The following CADM2 variants were observed in gnomAD, a reference collection of about 807,000 sequenced individuals.
CADM2 encodes the protein immunoglobulin superfamily member 4D.
A neutral mutation model predicts 49.8 loss-of-function variants in CADM2; 12 were observed. That is an observed-to-expected ratio of 0.24 (90% CI 0.15 to 0.39). The LOEUF (loss-of-function observed/expected upper bound fraction) is 0.39. Among genes scored for constraint, CADM2 ranks in the 10% least tolerant of loss-of-function variants. CADM2 has a pLI of 1.00. For missense variants in CADM2, 378 were observed against 492.3 expected (o/e 0.77, Z 2.20); for synonymous variants, 214 against 175.4 (o/e 1.22, Z -1.74).
At position 86,051,029 on chromosome 3, in the gene CADM2, A is replaced by T. The variant is rs182779001; in HGVS notation, c.971-14576A>T. Among the ~76,000 whole-genome samples the T allele has an allele frequency of 2.6e-5, 4 of 152,312 alleles. No individual in the cohort carries two copies. The East Asian group carries it at 7.7e-4, about 29-fold the overall frequency. ...GACTTTTCTTTTCTACCACATGGCCAGGTTGAAAATTTTCCAAGCTTATAT... is the reference window on the plus strand; with the variant it reads ...GACTTTTCTTTTCTACCACATGGCCTGGTTGAAAATTTTCCAAGCTTATAT... On this transcript the variant is annotated intron_variant, in intron 8 of 9. Coordinates refer to ENST00000383699, the MANE Select transcript of CADM2 (RefSeq NM_001167675.2).
intron 1 of CADM2, among the ~76,000 whole-genome samples, chr3:85,246,877 T>C (rs577168198): frequency 6.6e-6 from 1 of 152,246 alleles, no homozygotes; most frequent in East Asian, 1.9e-4. Context: ...TGTTGGTGTT[T>C]GTGTGAGAGA....
chr3:85,653,667 A>G (rs1436391077), intron 1 of CADM2, among the ~76,000 whole-genome samples: 1 of 152,112 alleles, frequency 6.6e-6, no homozygotes, highest in East Asian at 1.9e-4. Context: ...GGAATGGGTC[A>G]TTACTGGAGA....
intron 1 of CADM2, among the ~76,000 whole-genome samples, chr3:85,522,201 G>A (rs2061039790): frequency 6.6e-6 from 1 of 151,814 alleles, no homozygotes; most frequent in African/African-American, 2.4e-5. Context: ...CCCCTTCCCT[G>A]TTCGCCTTCC....
At position 86,073,665 on chromosome 3, in the gene CADM2, T is replaced by C. The variant is rs1703400995; in HGVS notation, c.*6882T>C. Reference sequence around the variant, plus strand: ...TAGTTATCTGTTGGACATTACTGAATTGTCTATTCATTTAGTACATTTTCT... The same window carrying C: ...TAGTTATCTGTTGGACATTACTGAACTGTCTATTCATTTAGTACATTTTCT... On this transcript the variant is annotated 3_prime_UTR_variant, in exon 10 of 10. Coordinates refer to ENST00000383699, the MANE Select transcript of CADM2 (RefSeq NM_001167675.2). 6.6e-6 allele frequency: 1 copy of C among 152,058 alleles called. No individual in the cohort carries two copies. The highest frequency in any genetic ancestry group is 6.6e-5 in the Admixed American group (1 of 15,264). 9.4% of individuals were successfully genotyped at this position (152,058 alleles called of 1,614,324 possible).
At chr3:85,469,653 C>T (rs1390555778) in intron 1 of CADM2, among the ~76,000 whole-genome samples, 1 of 152,116 alleles carries the variant, frequency 6.6e-6, no homozygotes, top group Admixed American at 6.5e-5. Flanking sequence ...TGATTCAGGG[C>T]AGAGCTGAAG....
At chr3:85,424,996 T>G (rs571572906) in intron 1 of CADM2, among the ~76,000 whole-genome samples, 27 of 152,254 alleles carry the variant, frequency 1.8e-4, no homozygotes, top group African/African-American at 6.3e-4. Context: ...AGGATAGCAT[T>G]GCCAAAAGTG....
chr3:85,752,652 C>G (rs564525867), intron 2 of CADM2, among the ~76,000 whole-genome samples: 1 of 152,216 alleles, frequency 6.6e-6, no homozygotes, highest in African/African-American at 2.4e-5. Context: ...CTGATGCCTC[C>G]TGTCTCATTG....
chr3:85,416,336 A>G (rs1301087647), intron 1 of CADM2, among the ~76,000 whole-genome samples: 1 of 152,144 alleles, frequency 6.6e-6, no homozygotes, highest in Non-Finnish European at 1.5e-5. Flanking sequence ...AAAGACAATT[A>G]TATTTATTTA....
intron 2 of CADM2, among the ~76,000 whole-genome samples, chr3:85,768,201 C>T (rs1577261527): frequency 1.3e-5 from 2 of 151,980 alleles, no homozygotes; most frequent in East Asian, 1.9e-4. Flanking sequence ...AATCCCAGCA[C>T]TTTGAGAGGC....
At chr3:85,802,344 T>C (rs2072100721) in intron 3 of CADM2, 148 bp downstream of exon 3, 3 of 688,424 alleles carry the variant, frequency 4.4e-6, no homozygotes, top group Admixed American at 7.2e-5. Context: ...TTAAATACTT[T>C]AGTTTGCAAG....
At chr3:85,676,065 G>A (rs751378482) in intron 1 of CADM2, among the ~76,000 whole-genome samples, 5 of 152,136 alleles carry the variant, frequency 3.3e-5, no homozygotes, top group East Asian at 1.9e-4. Flanking sequence ...TTGCTGGGCC[G>A]CTCATGGCTA....
At chr3:85,284,730 G>C (rs2043585570) in intron 1 of CADM2, among the ~76,000 whole-genome samples, 3 of 152,158 alleles carry the variant, frequency 2.0e-5, no homozygotes, top group South Asian at 4.2e-4. Flanking sequence ...ATCAGGGAGG[G>C]TGTGAGAGAA....
intron 1 of CADM2, among the ~76,000 whole-genome samples, chr3:85,687,275 C>T (rs2066245024): frequency 6.6e-6 from 1 of 152,076 alleles, no homozygotes; most frequent in African/African-American, 2.4e-5. Flanking sequence ...AAATGAGTTA[C>T]AGTTAGGTAG....
At chr3:85,651,687 C>G (rs963658117) in intron 1 of CADM2, among the ~76,000 whole-genome samples, 11 of 152,064 alleles carry the variant, frequency 7.2e-5, no homozygotes, top group African/African-American at 2.7e-4. Flanking sequence ...TAATTCAGGT[C>G]ATACTAATGT....
At chr3:85,772,989 G>A (rs553478296) in intron 2 of CADM2, among the ~76,000 whole-genome samples, 1 of 151,234 alleles carries the variant, frequency 6.6e-6, no homozygotes, top group East Asian at 1.9e-4. Flanking sequence ...ATATTAGTTA[G>A]GTAAAGCTAG....
At chr3:85,462,560 A>G (rs185164674) in intron 1 of CADM2, among the ~76,000 whole-genome samples, 480 of 152,198 alleles carry the variant, frequency 3.2e-3, no homozygotes, top group Middle Eastern at 0.017. Context: ...CTCTCCAAAC[A>G]TTAATCTGGG....
At chr3:86,054,029 G>A (rs1417187900) in intron 8 of CADM2, among the ~76,000 whole-genome samples, 2 of 151,896 alleles carry the variant, frequency 1.3e-5, no homozygotes, top group African/African-American at 2.4e-5. Flanking sequence ...CTGTCATATA[G>A]CTAGTGTATA....
intron 5 of CADM2, among the ~76,000 whole-genome samples, chr3:85,909,482 A>C (rs556830360): frequency 6.6e-6 from 1 of 151,966 alleles, no homozygotes; most frequent in African/African-American, 2.4e-5. Context: ...GAAAAAGAGA[A>C]AAAGATGGGA....
intron 1 of CADM2, among the ~76,000 whole-genome samples, chr3:85,498,481 A>T (rs1211253415): frequency 6.6e-6 from 1 of 152,172 alleles, no homozygotes; most frequent in Non-Finnish European, 1.5e-5. Flanking sequence ...AAACTACGGT[A>T]AAGGTAGAAA....
Sources: gnomAD v4.1 joint callset for allele counts (sites outside exome capture counted in the v4.1 genomes callset) on GRCh38, gnomAD v4.1.1 for gene constraint, MANE v1.5 for transcripts, NCBI Gene and HGNC (gene_info 2026-07-23, HGNC 2026-07-21) for gene names.